The following GRAP2 variants were observed in gnomAD, a reference collection of about 807,000 sequenced individuals.
GRAP2 encodes GRB2-related adapter protein 2.
A neutral mutation model predicts 43.5 loss-of-function variants in GRAP2; 31 were observed. That is an observed-to-expected ratio of 0.71 (90% CI 0.54 to 0.96). The LOEUF is 0.96. Ranked by LOEUF, GRAP2 falls within the 40% of genes least tolerant of loss-of-function variation. The probability of loss-of-function intolerance (pLI) is 0.00; values close to 1 mark genes in which losing one functional copy is unlikely to be tolerated. For synonymous variants in GRAP2, 156 were observed against 164.8 expected (o/e 0.95, Z 0.41); for missense variants, 371 against 424.4 (o/e 0.87, Z 1.11).
intron 1 of GRAP2, among the ~76,000 whole-genome samples, chr22:39,901,575 T>G (rs1448795344): frequency 6.6e-6 from 1 of 152,206 alleles, no homozygotes; most frequent in Non-Finnish European, 1.5e-5. Context: ...CACAAAAATC[T>G]CCACAAACTG....
chr22:39,942,343 T>G (rs1025162315), intron 1 of GRAP2, among the ~76,000 whole-genome samples: 5 of 152,204 alleles, frequency 3.3e-5, no homozygotes, highest in African/African-American at 1.2e-4. Flanking sequence ...CTGTGGATTC[T>G]GTCTCTGCAT....
chr22:39,941,133 G>A lies in GRAP2; in HGVS notation c.-14-5960G>A, dbSNP rs572097127. Reference sequence around the variant, plus strand: ...TCCTTCCCTGAGGAAATCAACCAGAGTAATGCTGAGGGCAGGTCATTTGCA... The same window carrying A: ...TCCTTCCCTGAGGAAATCAACCAGAATAATGCTGAGGGCAGGTCATTTGCA... On this transcript the variant is annotated intron_variant, in intron 1 of 7. Coordinates refer to ENST00000344138, the MANE Select transcript of GRAP2 (RefSeq NM_004810.4). 3.9e-5 allele frequency among the ~76,000 whole-genome samples: 6 copies of A among 152,342 alleles called. No individual in the cohort carries two copies. The East Asian group carries it at 1.2e-3, about 29-fold the overall frequency.
chr22:39,947,879 T>C (rs56371312), intron 2 of GRAP2: 1,618 of 152,524 alleles, frequency 0.011, 30 homozygotes, highest in Non-Finnish European at 0.011. Context: ...TTTGTTTGTT[T>C]GCAAAAGAGC....
intron 1 of GRAP2, among the ~76,000 whole-genome samples, chr22:39,916,713 T>C (rs935889451): frequency 6.6e-6 from 1 of 152,242 alleles, no homozygotes; most frequent in African/African-American, 2.4e-5. Context: ...ATTGCACCCT[T>C]ACTGAAAGGA....
At chr22:39,953,870 C>T (rs1223188157) in intron 2 of GRAP2, among the ~76,000 whole-genome samples, 1 of 152,184 alleles carries the variant, frequency 6.6e-6, no homozygotes, top group South Asian at 2.1e-4. Context: ...ACTTGGGCCT[C>T]CCAAAGTGCT....
chr22:39,895,808 T>G, the GRAP2 span, among the ~76,000 whole-genome samples: 2 of 152,188 alleles, frequency 1.3e-5, no homozygotes, highest in African/African-American at 4.8e-5. Context: ...GTTGCTATAA[T>G]AAAGGCAAAC....
intron 1 of GRAP2, among the ~76,000 whole-genome samples, chr22:39,905,199 T>C (rs1022242509): frequency 2.0e-5 from 3 of 152,190 alleles, no homozygotes; most frequent in Admixed American, 2.0e-4. Flanking sequence ...AATATCCTAT[T>C]TCCCAACAAA....
chr22:39,936,808 G>A (rs370873355), intron 1 of GRAP2, among the ~76,000 whole-genome samples: 27 of 152,262 alleles, frequency 1.8e-4, no homozygotes, highest in Non-Finnish European at 3.4e-4. Flanking sequence ...GCCTTAAAGC[G>A]CATGATTGCT....
chr22:39,965,862 T>C, intron 4 of GRAP2, 128 bp from the exon 5 acceptor site: 1 of 810,906 alleles, frequency 1.2e-6, no homozygotes, highest in Non-Finnish European at 2.1e-6. Context: ...ACCTGCCCAG[T>C]GATGAGTGAG....
chr22:39,910,696 CATGCCCAGCCAG>C (rs1468349900), intron 1 of GRAP2, among the ~76,000 whole-genome samples: 8 of 151,310 alleles, frequency 5.3e-5, no homozygotes, highest in Non-Finnish European at 1.2e-4. Flanking sequence ...CATGAGCCAC[CATGCCCAGCCAG>C]ATCTTTCTTA....
At chr22:39,942,784 T>C (rs139832692) in intron 1 of GRAP2, among the ~76,000 whole-genome samples, 40 of 152,326 alleles carry the variant, frequency 2.6e-4, no homozygotes, top group African/African-American at 9.4e-4. Flanking sequence ...AGGAAAACTT[T>C]GTCTCTAAAT....
intron 6 of GRAP2, 50 bp from the exon 7 acceptor site, chr22:39,969,361 G>A (rs2067213761): frequency 6.2e-7 from 1 of 1,608,936 alleles, no homozygotes; most frequent in Non-Finnish European, 8.5e-7. Flanking sequence ...GGGAACCGGT[G>A]GGAGATGTCC....
intron 1 of GRAP2, among the ~76,000 whole-genome samples, chr22:39,937,217 G>A (rs2066815390): frequency 6.6e-6 from 1 of 152,136 alleles, no homozygotes; most frequent in Non-Finnish European, 1.5e-5. Flanking sequence ...TTCTTAGCTG[G>A]TTCACGTTTC....
At chr22:39,929,895 A>G (rs994747850) in intron 1 of GRAP2, among the ~76,000 whole-genome samples, 22 of 152,292 alleles carry the variant, frequency 1.4e-4, no homozygotes, top group Middle Eastern at 3.4e-3. Flanking sequence ...TGCTACCAAC[A>G]TCTACCCTAA....
intron 1 of GRAP2, among the ~76,000 whole-genome samples, chr22:39,906,622 T>C (rs1730332271): frequency 6.6e-6 from 1 of 152,178 alleles, no homozygotes; most frequent in Non-Finnish European, 1.5e-5. Flanking sequence ...TGGTTCTGCC[T>C]TTTTATGTTT....
chr22:39,968,295 G>T (rs1333239154), intron 6 of GRAP2, 23 bp downstream of exon 6: 1 of 1,610,464 alleles, frequency 6.2e-7, no homozygotes, highest in Admixed American at 1.7e-5. Flanking sequence ...AAGGCAGTGG[G>T]CACAGTACGG....
intron 1 of GRAP2, among the ~76,000 whole-genome samples, chr22:39,924,833 G>A (rs1395157526): frequency 6.6e-6 from 1 of 152,226 alleles, no homozygotes; most frequent in African/African-American, 2.4e-5. Flanking sequence ...GGCTTACAAG[G>A]TAGCTGGAGA....
chr22:39,946,607 AAT>A (rs1206993641), intron 1 of GRAP2, among the ~76,000 whole-genome samples: 1 of 152,202 alleles, frequency 6.6e-6, no homozygotes, highest in Admixed American at 6.5e-5. Context: ...AATGCTGTCT[AAT>A]TCTCTTAAAT....
intron 1 of GRAP2, among the ~76,000 whole-genome samples, chr22:39,920,931 C>G (rs2066643699): frequency 7.2e-6 from 1 of 138,840 alleles, no homozygotes; most frequent in African/African-American, 2.7e-5. Flanking sequence ...GGGTATTTAA[C>G]TTCTCTACAC....
Sources: gnomAD v4.1 joint callset for allele counts (sites outside exome capture counted in the v4.1 genomes callset) on GRCh38, gnomAD v4.1.1 for gene constraint, MANE v1.5 for transcripts, NCBI Gene and HGNC (gene_info 2026-07-23, HGNC 2026-07-21) for gene names.